Variants in BTF3L4 observed in about 807,000 individuals in gnomAD.
BTF3L4 encodes basic transcription factor 3 like 4.
BTF3L4 carries 6 observed loss-of-function variants against 16.8 expected under a neutral mutation model. The observed-to-expected ratio is 0.36, with a 90% CI of 0.20 to 0.71. BTF3L4 has a LOEUF of 0.71. Among genes scored for constraint, BTF3L4 ranks in the 30% least tolerant of loss-of-function variants. The pLI, the probability that BTF3L4 is intolerant of heterozygous loss-of-function variation, is 0.58. For synonymous variants in BTF3L4, 39 were observed against 59.8 expected (o/e 0.65, Z 1.60); for missense variants, 92 against 186.9 (o/e 0.49, Z 2.96).
chr1:52,090,681 A>G lies in BTF3L4; in HGVS notation c.*3923A>G, dbSNP rs1199260125. ...ACATCATAATATGTAATGTTTTTCA[A>G]CTACTTACTGTTGAATACAAAGTTA... On this transcript the variant is annotated 3_prime_UTR_variant, in exon 6 of 6. Transcript: ENST00000313334. 6.6e-6 allele frequency: 1 copy of G among 151,960 alleles called. No homozygotes were observed. The highest frequency in any genetic ancestry group is 1.5e-5 in the Non-Finnish European group (1 of 68,020). 9.4% of individuals were successfully genotyped at this position (151,960 alleles called of 1,614,324 possible).
chr1:52,068,635 A>G (rs1005008867), intron 3 of BTF3L4, among the ~76,000 whole-genome samples: 3 of 152,060 alleles, frequency 2.0e-5, no homozygotes, highest in African/African-American at 7.2e-5. Flanking sequence ...GTTTTCATTT[A>G]TACTTGATTA....
intron 2 of BTF3L4, chr1:52,060,355 C>A: frequency 3.0e-6 from 2 of 665,852 alleles, no homozygotes; most frequent in Non-Finnish European, 4.4e-6. Context: ...TTTGTCTTGA[C>A]TGGATGTTAC....
At chr1:52,074,036 C>T (rs761516574) in intron 3 of BTF3L4, among the ~76,000 whole-genome samples, 1 of 151,886 alleles carries the variant, frequency 6.6e-6, no homozygotes, top group Non-Finnish European at 1.5e-5. Context: ...CATGATGGTG[C>T]ATGCCTGTGA....
At chr1:52,062,942 C>T (rs568407150) in intron 2 of BTF3L4, among the ~76,000 whole-genome samples, 42 of 150,652 alleles carry the variant, frequency 2.8e-4, no homozygotes, top group East Asian at 2.6e-3. Context: ...CACAACGGTT[C>T]GCCCTCCTAT....
chr1:52,072,981 C>T (rs1686830279), intron 3 of BTF3L4, among the ~76,000 whole-genome samples: 1 of 151,912 alleles, frequency 6.6e-6, no homozygotes, highest in African/African-American at 2.4e-5. Flanking sequence ...TCGTTTGAAC[C>T]TGGGAGGCGG....
In BTF3L4 at chr1:52,088,130, A is replaced by G. The variant is rs1002548350; in HGVS notation, c.*1372A>G. ...CAATATTTAAGGACAAAATTTAGAA[A>G]ATATATCATTTCCTGGCCCATCATC... On this transcript the variant is annotated 3_prime_UTR_variant, in exon 6 of 6. Transcript: ENST00000313334. The G allele has an allele frequency of 2.0e-5, 3 of 152,586 alleles. No homozygotes were observed. Among genetic ancestry groups the G allele is most frequent in the Non-Finnish European group, 4.4e-5 (3 of 68,026 alleles). The allele number at this position is 152,586 out of a possible 1,614,324, so 9.5% of individuals were successfully genotyped here.
intron 3 of BTF3L4, among the ~76,000 whole-genome samples, chr1:52,074,457 A>G (rs1686878323): frequency 6.6e-6 from 1 of 151,470 alleles, no homozygotes; most frequent in Non-Finnish European, 1.5e-5. Flanking sequence ...TTGGCCTCCC[A>G]GGTTCAAGCG....
intron 3 of BTF3L4, among the ~76,000 whole-genome samples, chr1:52,083,125 A>G (rs1344928137): frequency 6.6e-6 from 1 of 152,144 alleles, no homozygotes; most frequent in Admixed American, 6.5e-5. Flanking sequence ...AATGAATTGA[A>G]TATTTCTTGT....
chr1:52,060,441 A>G, intron 2 of BTF3L4: 1 of 1,267,738 alleles, frequency 7.9e-7, no homozygotes, highest in Non-Finnish European at 1.0e-6. Flanking sequence ...TTCCTCACAA[A>G]TTCTTACCTG....
At chr1:52,060,707 A>G (rs1686486696) in intron 2 of BTF3L4, 2 of 781,764 alleles carry the variant, frequency 2.6e-6, no homozygotes, top group African/African-American at 3.7e-5. Context: ...TGTCATTTAC[A>G]CTGATGATAA....
At chr1:52,075,960 C>T (rs544254908) in intron 3 of BTF3L4, among the ~76,000 whole-genome samples, 1 of 152,266 alleles carries the variant, frequency 6.6e-6, no homozygotes, top group Non-Finnish European at 1.5e-5. Flanking sequence ...CCACTGTGCT[C>T]GGCCTCTGTA....
intron 3 of BTF3L4, among the ~76,000 whole-genome samples, chr1:52,065,768 T>C (rs1686632368): frequency 6.6e-6 from 1 of 152,138 alleles, no homozygotes; most frequent in Non-Finnish European, 1.5e-5. Context: ...CCGGGTGCAG[T>C]GGCTCACGCC....
At chr1:52,064,778 G>A (rs894809821) in intron 2 of BTF3L4, 47 bp from the exon 3 acceptor site, 6 of 1,207,212 alleles carry the variant, frequency 5.0e-6, no homozygotes, top group Middle Eastern at 2.8e-4. Context: ...GCAGTTGCCA[G>A]ATGCCAGGCA....
At chr1:52,077,446 G>A (rs1686961944) in intron 3 of BTF3L4, among the ~76,000 whole-genome samples, 2 of 152,190 alleles carry the variant, frequency 1.3e-5, no homozygotes, top group African/African-American at 4.8e-5. Flanking sequence ...GGAGGATGAG[G>A]CAGTGGAATC....
rs1168508770 is a variant in BTF3L4, at chr1:52,086,394, G to A, written c.430+223G>A. 18 of 491,828 alleles carry A rather than the reference G, an allele frequency of 3.7e-5. No homozygotes were observed. The Admixed American group carries it at 6.9e-4, about 19-fold the overall frequency. 30.5% of individuals were successfully genotyped at this position (491,828 alleles called of 1,614,324 possible). On this transcript the variant is annotated intron_variant, in intron 5 of 5. Coordinates refer to ENST00000313334, the MANE Select transcript of BTF3L4 (RefSeq NM_152265.5). ...CTCTGCTGCCTGGATTTATTAAATT[G>A]AAATCACTGTGATTATAAATTTGCA...
At chr1:52,062,662 A>C (rs1686547102) in intron 2 of BTF3L4, among the ~76,000 whole-genome samples, 1 of 152,178 alleles carries the variant, frequency 6.6e-6, no homozygotes, top group African/African-American at 2.4e-5. Flanking sequence ...GAAGGAAATG[A>C]CTGCCATTTT....
Position 52,086,792 on chromosome 1 carries a change from T to C in BTF3L4, c.*34T>C. The C allele has an allele frequency of 6.7e-7, 1 of 1,503,136 alleles. No homozygotes were observed. The highest frequency in any genetic ancestry group is 9.1e-7 in the Non-Finnish European group (1 of 1,097,360). 93.1% of individuals were successfully genotyped at this position (1,503,136 alleles called of 1,614,324 possible). A position where few individuals can be genotyped will look rare whatever the true frequency, so the allele number is the denominator to read the frequency against. ...TTTTTGGAAGCTGGCATGGACTAGA[T>C]TTAACAAATCAGCTATGTGGTTCCA... On this transcript the variant is annotated 3_prime_UTR_variant, in exon 6 of 6. Transcript: ENST00000313334.
At chr1:52,073,664 G>A (rs1480549922) in intron 3 of BTF3L4, among the ~76,000 whole-genome samples, 4 of 112,710 alleles carry the variant, frequency 3.5e-5, no homozygotes, top group Non-Finnish European at 6.6e-5. Flanking sequence ...ACCAGCCTAG[G>A]TAACATCGTG....
chr1:52,080,087 G>T (rs1353839150), intron 3 of BTF3L4, among the ~76,000 whole-genome samples: 1 of 151,858 alleles, frequency 6.6e-6, no homozygotes, highest in Non-Finnish European at 1.5e-5. Flanking sequence ...AGCCAGACTG[G>T]TTGTGAACTC....
Sources: gnomAD v4.1 joint callset for allele counts (sites outside exome capture counted in the v4.1 genomes callset) on GRCh38, gnomAD v4.1.1 for gene constraint, MANE v1.5 for transcripts, NCBI Gene and HGNC (gene_info 2026-07-23, HGNC 2026-07-21) for gene names.